The following SGCD variants were observed in gnomAD, a reference collection of about 807,000 sequenced individuals.
SGCD encodes the protein delta-sarcoglycan.
SGCD carries 18 observed loss-of-function variants against 36.6 expected under a neutral mutation model. The observed-to-expected ratio is 0.49, with a 90% CI of 0.34 to 0.73. The LOEUF (loss-of-function observed/expected upper bound fraction) is 0.73, where lower values mean the gene tolerates loss of function less well. Among genes scored for constraint, SGCD ranks in the 30% least tolerant of loss-of-function variants. SGCD has a pLI of 0.01. For missense variants in SGCD, 387 were observed against 346.7 expected, an observed-to-expected ratio of 1.12 and a Z score of -0.92; for synonymous variants, 133 against 130.6, an observed-to-expected ratio of 1.02 and a Z score of -0.12.
intron 6 of SGCD, among the ~76,000 whole-genome samples, chr5:156,603,576 C>A (rs1193848806): frequency 6.6e-6 from 1 of 151,958 alleles, no homozygotes; most frequent in Non-Finnish European, 1.5e-5. Flanking sequence ...CTTCTTATGA[C>A]TGCTTTTGCA....
rs34108692 is a variant in SGCD at position 156,364,369 on chromosome 5, ATT to A, written c.192+19702_192+19703del. Among the ~76,000 whole-genome samples the A allele has an allele frequency of 5.4e-5, 8 of 148,778 alleles. No homozygotes were observed. The East Asian group carries it at 5.9e-4, about 11-fold the overall frequency. ...ATCTTATTATTAGTGTCAGGGCTAC[ATT>A]TTTTTTTTTAATGCGCAATGAAATC... is the stretch of plus-strand genomic sequence containing the variant. On this transcript the variant is annotated intron_variant, in intron 3 of 8. Coordinates refer to ENST00000337851, the MANE Select transcript of SGCD (RefSeq NM_000337.6).
In SGCD at chr5:156,333,783, A is replaced by ATTTT. The variant is rs70984404; in HGVS notation, c.3+4238_3+4241dup. 1.2e-3 allele frequency among the ~76,000 whole-genome samples: 23 copies of ATTTT among 19,962 alleles called. 1 individual carries two copies. Among genetic ancestry groups the ATTTT allele is most frequent in the African/African-American group, 1.5e-3 (8 of 5,234 alleles). The allele number at this position is 19,962 out of a possible 152,430, so 13.1% of individuals were successfully genotyped here. The stretch of plus-strand genomic sequence containing the variant: ...GTGCTTTCTTTATGTTAGAAAAGTG[A>ATTTT]TTTTTTTTTTTTTTTTTTTTTTTTT... On this transcript the variant is annotated intron_variant, in intron 2 of 8. Coordinates refer to ENST00000337851, the MANE Select transcript of SGCD (RefSeq NM_000337.6).
At chr5:156,449,675 T>TACAAAAAAAA (rs1753911434) in intron 3 of SGCD, among the ~76,000 whole-genome samples, 1 of 19,226 alleles carries the variant, frequency 5.2e-5, no homozygotes, top group Non-Finnish European at 1.1e-4. Flanking sequence ...CTACTAAAAA[T>TACAAAAAAAA]ACAAAAAAAA....
intron 7 of SGCD, among the ~76,000 whole-genome samples, chr5:156,730,853 C>T (rs1756025288): frequency 6.6e-6 from 1 of 152,136 alleles, no homozygotes; most frequent in Non-Finnish European, 1.5e-5. Context: ...CTTATTTACA[C>T]TCCCACCAAC....
At chr5:155,797,046 G>A in the SGCD span, among the ~76,000 whole-genome samples, 55 of 152,016 alleles carry the variant, frequency 3.6e-4, no homozygotes, top group East Asian at 7.8e-4. Context: ...CCAATACTAC[G>A]AATAAAAAGG....
intron 8 of SGCD, among the ~76,000 whole-genome samples, chr5:156,758,383 CTG>C (rs5872484): frequency 0.085 from 11,595 of 137,204 alleles, 696 homozygotes; most frequent in African/African-American, 0.18. Flanking sequence ...GTTAAAAAAT[CTG>C]TGTGTTTTTT....
chr5:156,191,067 C>T (rs1432373211), intron 3 of SGCD, among the ~76,000 whole-genome samples: 1 of 151,946 alleles, frequency 6.6e-6, no homozygotes, highest in Non-Finnish European at 1.5e-5. Flanking sequence ...AATATCAGGC[C>T]ATTATACTGA....
chr5:155,773,260 A>G, the SGCD span, among the ~76,000 whole-genome samples: 6 of 152,106 alleles, frequency 3.9e-5, no homozygotes, highest in Admixed American at 3.3e-4. Context: ...TTTGGAATAA[A>G]TCTCTTTCTT....
At chr5:155,844,227 G>A in the SGCD span, among the ~76,000 whole-genome samples, 1 of 152,100 alleles carries the variant, frequency 6.6e-6, no homozygotes, top group Non-Finnish European at 1.5e-5. Context: ...ATTGGCTGGG[G>A]CAGCTTCCTG....
intron 4 of SGCD, among the ~76,000 whole-genome samples, chr5:156,567,993 G>A (rs1054701703): frequency 4.6e-5 from 7 of 152,106 alleles, no homozygotes. Flanking sequence ...CTGTAAGTTA[G>A]GTTCTACTTT....
At chr5:155,732,554 G>A in the SGCD span, among the ~76,000 whole-genome samples, 1 of 152,140 alleles carries the variant, frequency 6.6e-6, no homozygotes, top group African/African-American at 2.4e-5. Context: ...TAACCAGTAG[G>A]TGCCAGAACT....
intron 6 of SGCD, among the ~76,000 whole-genome samples, chr5:156,614,946 G>A (rs577495954): frequency 3.3e-5 from 5 of 152,242 alleles, no homozygotes; most frequent in East Asian, 1.9e-4. Context: ...TCACATGAAC[G>A]AAAAATGTTT....
intron 3 of SGCD, among the ~76,000 whole-genome samples, chr5:156,449,677 CAAAAAA>C (rs397883573): frequency 1.3e-4 from 6 of 46,056 alleles, no homozygotes; most frequent in South Asian, 1.1e-3. Flanking sequence ...ACTAAAAATA[CAAAAAA>C]AAAAAAAAAA....
Position 156,059,787 on chromosome 5 carries a change from C to T in SGCD, c.-281-58091C>T, listed in dbSNP as rs746307725. Among the ~76,000 whole-genome samples, 19 of 146,912 alleles carry T rather than the reference C, an allele frequency of 1.3e-4. 1 individual carries two copies. The highest frequency in any genetic ancestry group is 2.5e-4 in the Non-Finnish European group (16 of 65,124). On this transcript the variant is annotated intron_variant, in intron 1 of 9. Coordinates refer to the SGCD transcript ENST00000517913. ...CACATGCAATAAATACAAGTCGTTT[C>T]GTGGCTATTGCTGGTAAGAAATAGA...
At chr5:155,819,443 G>T in the SGCD span, among the ~76,000 whole-genome samples, 2 of 152,096 alleles carry the variant, frequency 1.3e-5, no homozygotes, top group South Asian at 2.1e-4. Context: ...GAAAAGTGAC[G>T]ATTGAAAAGA....
chr5:156,221,888 A>G (rs1253501005), intron 3 of SGCD, among the ~76,000 whole-genome samples: 2 of 152,098 alleles, frequency 1.3e-5, no homozygotes, highest in Non-Finnish European at 2.9e-5. Flanking sequence ...AGGATTTGCA[A>G]CTAATGCCAG....
Position 156,515,787 on chromosome 5 carries a change from G to A in SGCD, c.294+7085G>A, listed in dbSNP as rs1272192030. ...TGCCTGAGATGACCAAGTTTCCAGA[G>A]GGGAAGGGGAGCTGCCATCACTGTG... is the stretch of plus-strand genomic sequence containing the variant. On this transcript the variant is annotated intron_variant, in intron 4 of 8. Coordinates refer to ENST00000337851, the MANE Select transcript of SGCD (RefSeq NM_000337.6). 5.3e-5 allele frequency among the ~76,000 whole-genome samples: 8 copies of A among 152,356 alleles called. No homozygotes were observed. The South Asian group carries it at 1.5e-3, about 28-fold the overall frequency.
chr5:155,933,501 A>G (rs899394229), intron 1 of SGCD, among the ~76,000 whole-genome samples: 1 of 152,216 alleles, frequency 6.6e-6, no homozygotes, highest in Admixed American at 6.5e-5. Context: ...CTTTTAGAAC[A>G]GAGCCTGGCA....
At chr5:155,996,299 GC>G in intron 1 of SGCD, among the ~76,000 whole-genome samples, 1 of 151,926 alleles carries the variant, frequency 6.6e-6, no homozygotes, top group South Asian at 2.1e-4. Context: ...CCTCACCCAG[GC>G]CCCAGTGTCT....
Sources: allele counts gnomAD v4.1 joint callset (sites outside exome capture counted in the v4.1 genomes callset), GRCh38; gene constraint gnomAD v4.1.1; transcripts MANE v1.5; gene names NCBI Gene and HGNC (gene_info 2026-07-23, HGNC 2026-07-21).